Variants in SLC4A10 observed in about 807,000 individuals in gnomAD.
The protein encoded by SLC4A10 is sodium-driven chloride bicarbonate exchanger.
Under a neutral mutation model 137.7 loss-of-function variants are expected in SLC4A10, and 42 were observed. The ratio of observed to expected loss-of-function variants is 0.30; its 90% CI spans 0.24 to 0.39. The LOEUF (loss-of-function observed/expected upper bound fraction) is 0.39. Among genes scored for constraint, SLC4A10 ranks in the 10% least tolerant of loss-of-function variants. SLC4A10 has a pLI of 1.00. For synonymous variants in SLC4A10, 474 were observed against 464.1 expected, an observed-to-expected ratio of 1.02 and a Z score of -0.27; for missense variants, 925 against 1,355.0, an observed-to-expected ratio of 0.68 and a Z score of 4.98.
At chr2:161,920,332 T>A (rs1462104363) in intron 15 of SLC4A10, among the ~76,000 whole-genome samples, 2 of 152,114 alleles carry the variant, frequency 1.3e-5, no homozygotes, top group Non-Finnish European at 2.9e-5. Flanking sequence ...TCTATGACAT[T>A]AACCCAATTA....
chr2:161,859,322 C>A (rs1186427215), intron 5 of SLC4A10, among the ~76,000 whole-genome samples: 4 of 126,178 alleles, frequency 3.2e-5, no homozygotes, highest in Admixed American at 3.2e-4. Flanking sequence ...GACGAAGTCT[C>A]GCTCTGTCGC....
chr2:161,862,913 A>T lies in SLC4A10; in HGVS notation c.617A>T (p.Asn206Ile). The T allele has an allele frequency of 4.3e-6, 7 of 1,611,676 alleles. No individual in the cohort carries two copies. The highest frequency in any genetic ancestry group is 5.9e-6 in the Non-Finnish European group (7 of 1,178,698). Residue 206 changes from asparagine (N) to isoleucine (I), a missense_variant, in exon 6 of 27, where the codon AAT (asparagine) becomes ATT (isoleucine). Physicochemically the swap from Asn to Ile is moderately radical, Grantham distance 149. Coordinates refer to ENST00000446997, the MANE Select transcript of SLC4A10 (RefSeq NM_001178015.2). ...LDQQVSSGQLNEDVRHRVHEA... is the reference protein window; with the variant it reads ...LDQQVSSGQLIEDVRHRVHEA... ...CAACAAGTGAGCTCAGGTCAGCTGA[A>T]TGAAGATGTACGCCATAGGGTCCAT...
intron 1 of SLC4A10, among the ~76,000 whole-genome samples, chr2:161,758,343 C>T (rs771418839): frequency 1.9e-4 from 29 of 151,846 alleles, no homozygotes; most frequent in Admixed American, 3.9e-4. Context: ...ATTTTTTCCA[C>T]TGCTTGTTTT....
At chr2:161,890,215 G>A (rs184817879) in intron 10 of SLC4A10, among the ~76,000 whole-genome samples, 43 of 152,222 alleles carry the variant, frequency 2.8e-4, no homozygotes, top group African/African-American at 8.2e-4. Flanking sequence ...CAATTATGTG[G>A]TCAATTTTAG....
Position 161,909,024 on chromosome 2 carries a change from T to C in SLC4A10, c.1997+3137T>C, listed in dbSNP as rs13001111. Among the ~76,000 whole-genome samples, 4 of 134,390 alleles carry C rather than the reference T, an allele frequency of 3.0e-5. No individual in the cohort carries two copies. The Admixed American group carries it at 3.4e-4, about 11-fold the overall frequency. 88.2% of individuals were successfully genotyped at this position (134,390 alleles called of 152,430 possible). ...AAAAGAGGAGTGACATAGGTGGGAA[T>C]TGAACAATGAGAACACATGGACACA... On this transcript the variant is annotated intron_variant, in intron 15 of 26. Coordinates refer to ENST00000446997, the MANE Select transcript of SLC4A10 (RefSeq NM_001178015.2).
intron 3 of SLC4A10, among the ~76,000 whole-genome samples, chr2:161,805,307 G>A (rs2055818029): frequency 1.3e-5 from 2 of 152,124 alleles, no homozygotes; most frequent in Non-Finnish European, 1.5e-5. Flanking sequence ...TTTGGGTGAG[G>A]ACACAGCCAA....
intron 1 of SLC4A10, among the ~76,000 whole-genome samples, chr2:161,730,814 T>C (rs1044750624): frequency 2.3e-4 from 35 of 152,324 alleles, no homozygotes; most frequent in African/African-American, 7.9e-4. Context: ...AGATTATCCA[T>C]TACACTATTG....
At chr2:161,802,094 A>G (rs1188868321) in intron 2 of SLC4A10, among the ~76,000 whole-genome samples, 1 of 152,100 alleles carries the variant, frequency 6.6e-6, no homozygotes, top group African/African-American at 2.4e-5. Context: ...TTAATTGTCT[A>G]TAATCAGGTA....
chr2:161,713,523 C>T (rs2044519721), intron 1 of SLC4A10, among the ~76,000 whole-genome samples: 1 of 151,790 alleles, frequency 6.6e-6, no homozygotes, highest in Non-Finnish European at 1.5e-5. Flanking sequence ...TCCTAAGAGA[C>T]CTCCTGCTTG....
intron 2 of SLC4A10, among the ~76,000 whole-genome samples, chr2:161,779,680 A>C (rs903632908): frequency 1.3e-5 from 2 of 152,034 alleles, no homozygotes; most frequent in African/African-American, 4.8e-5. Flanking sequence ...CTGGTCCTCT[A>C]CTTTCTAATA....
chr2:161,815,910 A>G (rs543132715), intron 3 of SLC4A10, among the ~76,000 whole-genome samples: 71 of 152,074 alleles, frequency 4.7e-4, no homozygotes, highest in Non-Finnish European at 5.0e-4. Context: ...TCATCTGAGT[A>G]TCTTCAGTGA....
At chr2:161,848,763 A>C (rs940376293) in intron 4 of SLC4A10, among the ~76,000 whole-genome samples, 1 of 152,096 alleles carries the variant, frequency 6.6e-6, no homozygotes, top group Admixed American at 6.6e-5. Context: ...TACTGATACC[A>C]TGCTGTTTTG....
chr2:161,973,711 A>G (rs1454778302), intron 23 of SLC4A10, among the ~76,000 whole-genome samples: 3 of 152,152 alleles, frequency 2.0e-5, no homozygotes, highest in Non-Finnish European at 4.4e-5. Flanking sequence ...AGCATAATCA[A>G]CATCACCTGG....
intron 15 of SLC4A10, among the ~76,000 whole-genome samples, chr2:161,919,161 C>T (rs1286064441): frequency 6.6e-6 from 1 of 152,174 alleles, no homozygotes; most frequent in Non-Finnish European, 1.5e-5. Flanking sequence ...CCATCTCAGC[C>T]CTCTCTGGAC....
chr2:161,722,759 G>C (rs950767625), intron 1 of SLC4A10, among the ~76,000 whole-genome samples: 2 of 152,176 alleles, frequency 1.3e-5, no homozygotes, highest in Non-Finnish European at 2.9e-5. Flanking sequence ...ACTCTTCAGA[G>C]CCAGCAGACA....
intron 1 of SLC4A10, among the ~76,000 whole-genome samples, chr2:161,722,926 T>A (rs1161779243): frequency 6.6e-6 from 1 of 152,082 alleles, no homozygotes; most frequent in Non-Finnish European, 1.5e-5. Flanking sequence ...TGGATCCAAA[T>A]CCGACCTAAA....
In SLC4A10 at chr2:161,862,866, C is replaced by T. The variant is rs1244038783; in HGVS notation, c.578-8C>T. The T allele has an allele frequency of 6.4e-7, 1 of 1,566,444 alleles. No homozygotes were observed. The highest frequency in any genetic ancestry group is 1.8e-5 in the Admixed American group (1 of 55,268). ...TGTGCTTATCTTCTTCCGGCCTTTT[C>T]TCTTCAGATATGGTTCTTGACCAAC... is the stretch of plus-strand genomic sequence containing the variant. On this transcript the variant is annotated splice_polypyrimidine_tract_variant and splice_region_variant and intron_variant, in intron 5 of 26. Transcript: ENST00000446997.
intron 4 of SLC4A10, among the ~76,000 whole-genome samples, chr2:161,845,756 T>C (rs2059451961): frequency 6.6e-6 from 1 of 152,076 alleles, no homozygotes; most frequent in Non-Finnish European, 1.5e-5. Flanking sequence ...AAAAATAATG[T>C]TGGAGCAATT....
Position 161,839,905 on chromosome 2 carries a change from G to A in SLC4A10, c.394G>A (p.Ala132Thr), listed in dbSNP as rs372141989. 3.1e-6 allele frequency: 5 copies of A among 1,613,776 alleles called. No homozygotes were observed. Among genetic ancestry groups the A allele is most frequent in the Admixed American group, 1.7e-5 (1 of 59,996 alleles). The change falls in exon 4 of 27, where the codon GCT becomes ACT. Residue 132 changes from alanine (A) to threonine (T), a missense_variant. By Grantham distance (58) the Ala-to-Thr change is moderately conservative (BLOSUM62 0). Transcript: ENST00000446997. ...GATTTGTTGGCGTGAAGGTGAGGACGCTGAGTGGCGAGAAACAGCCAGGTG... is the reference window on the plus strand; with the variant it reads ...GATTTGTTGGCGTGAAGGTGAGGACACTGAGTGGCGAGAAACAGCCAGGTG... ...DEICWREGED[A>T]EWRETARWLK...
Sources: gnomAD v4.1 joint callset for allele counts (sites outside exome capture counted in the v4.1 genomes callset) on GRCh38, gnomAD v4.1.1 for gene constraint, MANE v1.5 for transcripts, NCBI Gene and HGNC (gene_info 2026-07-23, HGNC 2026-07-21) for gene names.